TMEM245: variants seen among roughly 807,000 people sequenced by gnomAD.
The protein encoded by TMEM245 is protein CG-2.
In TMEM245, 69 loss-of-function variants were observed where a neutral mutation model predicts 101.2. The ratio of observed to expected loss-of-function variants is 0.68; its 90% CI spans 0.56 to 0.83. TMEM245 has a LOEUF of 0.83. TMEM245 is among the 40% of genes least tolerant of loss of function. The pLI, the probability that TMEM245 is intolerant of heterozygous loss-of-function variation, is 0.00. For synonymous variants in TMEM245, 537 were observed against 449.8 expected (o/e 1.19, Z -2.45); for missense variants, 1,075 against 1,092.8 (o/e 0.98, Z 0.23).
In TMEM245 at chr9:109,108,569, A is replaced by ATG; in HGVS notation, c.580_581insCA (p.Ile194ThrfsTer11). ...CACATAGCCAACCACCAACGTCCAG[A>ATG]TCTTAAATAAATGAAAGACACAGCT... On this transcript the variant is annotated frameshift_variant and splice_region_variant, in exon 2 of 18. Transcript: ENST00000374586. LOFTEE classifies it high-confidence loss of function. 3 of 1,587,124 alleles carry ATG rather than the reference A, an allele frequency of 1.9e-6. No individual in the cohort carries two copies. The highest frequency in any genetic ancestry group is 2.6e-6 in the Non-Finnish European group (3 of 1,169,930).
At chr9:109,072,981 C>G (rs1434663334) in intron 9 of TMEM245, among the ~76,000 whole-genome samples, 2 of 152,188 alleles carry the variant, frequency 1.3e-5, no homozygotes, top group Non-Finnish European at 2.9e-5. Context: ...ATTATTATCT[C>G]AAGTTCCTTA....
chr9:109,042,839 A>ATTTTTTTT (rs754295748), intron 14 of TMEM245, among the ~76,000 whole-genome samples: 16 of 115,532 alleles, frequency 1.4e-4, no homozygotes, highest in East Asian at 2.9e-4. Flanking sequence ...ATAGCTGACA[A>ATTTTTTTT]TTTTTTTTTT....
At chr9:109,108,420 T>TAAAAAAAAAAAAAAAAAAAAAAAAAAAA in intron 2 of TMEM245, 33 bp downstream of exon 2, 2 of 939,652 alleles carry the variant, frequency 2.1e-6, no homozygotes. Flanking sequence ...AGGCTAGACT[T>TAAAAAAAAAAAAAAAAAAAAAAAAAAAA]AAAAAAAAAA....
chr9:109,038,471 A>T (rs181025309), intron 14 of TMEM245: 331 of 173,568 alleles, frequency 1.9e-3, no homozygotes, highest in African/African-American at 7.4e-3. Context: ...TGGAAAGAAA[A>T]TTAAGCGTGA....
chr9:109,026,089 G>A (rs1302087550), intron 17 of TMEM245, among the ~76,000 whole-genome samples: 3 of 152,180 alleles, frequency 2.0e-5, no homozygotes, highest in Admixed American at 6.5e-5. Flanking sequence ...CCCTTTCAGA[G>A]CTCATGCTTC....
intron 9 of TMEM245, 60 bp downstream of exon 9, chr9:109,073,296 G>T: frequency 1.6e-6 from 2 of 1,280,018 alleles, no homozygotes; most frequent in South Asian, 1.2e-5. Flanking sequence ...GTCATTTCGT[G>T]CAAACAGATG....
chr9:109,053,582 T>C (rs1485449126), intron 12 of TMEM245, among the ~76,000 whole-genome samples: 1 of 152,180 alleles, frequency 6.6e-6, no homozygotes, highest in African/African-American at 2.4e-5. Context: ...CTGAACCAAC[T>C]AAGCAATGTG....
chr9:109,109,679 T>C (rs1243824050), intron 1 of TMEM245, among the ~76,000 whole-genome samples: 3 of 152,116 alleles, frequency 2.0e-5, no homozygotes, highest in East Asian at 1.9e-4. Context: ...AAGTTTTAAA[T>C]ATAAAGAAGC....
intron 3 of TMEM245, among the ~76,000 whole-genome samples, chr9:109,100,454 G>T (rs958677528): frequency 5.3e-5 from 8 of 152,110 alleles, no homozygotes; most frequent in African/African-American, 1.9e-4. Context: ...CCTCCCAGTA[G>T]CTGGGACTAT....
intron 17 of TMEM245, among the ~76,000 whole-genome samples, chr9:109,026,052 A>G (rs1461974848): frequency 6.6e-6 from 1 of 152,336 alleles, no homozygotes; most frequent in African/African-American, 2.4e-5. Flanking sequence ...CACTGTAACA[A>G]TATACAAATT....
chr9:109,106,237 A>AAAAATATTTTATTTTATAAAAATAAAAT (rs1830419252), intron 3 of TMEM245, among the ~76,000 whole-genome samples: 1 of 151,810 alleles, frequency 6.6e-6, no homozygotes, highest in Non-Finnish European at 1.5e-5. Context: ...AAAATAAAAT[A>AAAAATATTTTATTTTATAAAAATAAAAT]AAAATATTTT....
At chr9:109,047,824 C>T (rs1448022423) in intron 14 of TMEM245, among the ~76,000 whole-genome samples, 1 of 152,230 alleles carries the variant, frequency 6.6e-6, no homozygotes, top group Non-Finnish European at 1.5e-5. Flanking sequence ...TTAAGCCACA[C>T]TGACTGGAGA....
At chr9:109,046,131 A>G (rs1828482289) in intron 14 of TMEM245, 3 of 429,876 alleles carry the variant, frequency 7.0e-6, no homozygotes, top group Admixed American at 4.4e-5. Flanking sequence ...CATGGCATAC[A>G]CACTGTCTTA....
intron 5 of TMEM245, 21 bp downstream of exon 5, chr9:109,090,901 C>T (rs200202767): frequency 9.4e-6 from 15 of 1,602,030 alleles, no homozygotes; most frequent in East Asian, 2.2e-5. Context: ...AAGACGAGAT[C>T]GTACTTAACC....
intron 12 of TMEM245, 96 bp downstream of exon 12, chr9:109,057,095 C>T: frequency 7.5e-7 from 1 of 1,331,388 alleles, no homozygotes; most frequent in Non-Finnish European, 1.0e-6. Flanking sequence ...ATGTTAAAAA[C>T]AGGATAGATG....
In TMEM245 at chr9:109,020,422, T is replaced by C. The variant is rs374974089; in HGVS notation, c.*38A>G. Reference sequence around the variant, plus strand: ...AGCTGAGCTGAACTCGCTGTCAAATTTGAACTTCCTAGAAAAATCACTGCA... The same window carrying C: ...AGCTGAGCTGAACTCGCTGTCAAATCTGAACTTCCTAGAAAAATCACTGCA... On this transcript the variant is annotated 3_prime_UTR_variant, in exon 18 of 18. Transcript: ENST00000374586. 2 of 1,607,046 alleles carry C rather than the reference T, an allele frequency of 1.2e-6. No homozygotes were observed. Among genetic ancestry groups the C allele is most frequent in the African/African-American group, 1.3e-5 (1 of 74,792 alleles).
At chr9:109,034,211 C>T (rs1828052935) in intron 16 of TMEM245, among the ~76,000 whole-genome samples, 1 of 152,142 alleles carries the variant, frequency 6.6e-6, no homozygotes, top group South Asian at 2.1e-4. Flanking sequence ...CTGTTTGTTT[C>T]TAGTTTTAAA....
Position 109,020,196 on chromosome 9 carries a change from T to C in TMEM245, c.*264A>G. 2.1e-6 allele frequency: 1 copy of C among 474,378 alleles called. No homozygotes were observed. 29.4% of individuals were successfully genotyped at this position (474,378 alleles called of 1,614,324 possible). A position where few individuals can be genotyped will look rare whatever the true frequency, so the allele number is the denominator to read the frequency against. ...AATTTCAAGCCAGGGTACCAGTGTA[T>C]AAAATGAAACTTTTCAAGCCATCTT... On this transcript the variant is annotated 3_prime_UTR_variant, in exon 18 of 18. Coordinates refer to ENST00000374586, the MANE Select transcript of TMEM245 (RefSeq NM_032012.4).
At chr9:109,108,870 C>T (rs1387096793) in intron 1 of TMEM245, among the ~76,000 whole-genome samples, 2 of 151,978 alleles carry the variant, frequency 1.3e-5, no homozygotes, top group Non-Finnish European at 2.9e-5. Flanking sequence ...AAAGCATAAA[C>T]CATGGATTTA....
Sources: gnomAD v4.1 joint callset for allele counts (sites outside exome capture counted in the v4.1 genomes callset) on GRCh38, gnomAD v4.1.1 for gene constraint, MANE v1.5 for transcripts, NCBI Gene and HGNC (gene_info 2026-07-23, HGNC 2026-07-21) for gene names.